GPHN: variants seen among roughly 807,000 people sequenced by gnomAD.
GPHN encodes the protein gephyrin.
GPHN carries 17 observed loss-of-function variants against 95.5 expected under a neutral mutation model. The ratio of observed to expected loss-of-function variants is 0.18; its 90% confidence interval spans 0.12 to 0.27. The LOEUF (loss-of-function observed/expected upper bound fraction) is 0.27, where lower values mean the gene tolerates loss of function less well. Among genes scored for constraint, GPHN ranks in the 10% least tolerant of loss-of-function variants. The pLI is 1.00. For synonymous variants in GPHN, 320 were observed against 322.5 expected, an observed-to-expected ratio of 0.99 and a Z score of 0.08; for missense variants, 660 against 978.1, an observed-to-expected ratio of 0.67 and a Z score of 4.34.
At chr14:66,560,543 T>G (rs1160467392) in intron 1 of GPHN, among the ~76,000 whole-genome samples, 1 of 152,222 alleles carries the variant, frequency 6.6e-6, no homozygotes, top group Non-Finnish European at 1.5e-5. Flanking sequence ...TCTCTGTTTG[T>G]CTGTTATTGG....
chr14:67,275,858 T>C, the GPHN span, among the ~76,000 whole-genome samples: 1 of 152,226 alleles, frequency 6.6e-6, no homozygotes, highest in African/African-American at 2.4e-5. Context: ...GGAGGGTATA[T>C]GTGTCCAGGA....
chr14:66,791,333 G>A (rs1163447925), intron 3 of GPHN, among the ~76,000 whole-genome samples: 1 of 152,102 alleles, frequency 6.6e-6, no homozygotes, highest in Non-Finnish European at 1.5e-5. Context: ...CCCAAGAGAG[G>A]GTTCTTGAAC....
chr14:67,355,208 T>C, the GPHN span, among the ~76,000 whole-genome samples: 2 of 152,070 alleles, frequency 1.3e-5, no homozygotes, highest in Non-Finnish European at 2.9e-5. Context: ...ACAGCAATCA[T>C]TTTATTAATT....
intron 1 of GPHN, among the ~76,000 whole-genome samples, chr14:66,646,476 C>T (rs1249374202): frequency 6.6e-6 from 1 of 151,938 alleles, no homozygotes; most frequent in Non-Finnish European, 1.5e-5. Context: ...AAGGTAGGGT[C>T]TCAAAGAGAT....
chr14:66,740,521 G>A (rs2072710941), intron 2 of GPHN, among the ~76,000 whole-genome samples: 1 of 150,016 alleles, frequency 6.7e-6, no homozygotes, highest in Admixed American at 6.7e-5. Flanking sequence ...TTTCCCAGTT[G>A]TTTTAAACTG....
intron 10 of GPHN, among the ~76,000 whole-genome samples, chr14:67,041,755 A>G (rs2074717500): frequency 6.6e-6 from 1 of 152,188 alleles, no homozygotes; most frequent in Non-Finnish European, 1.5e-5. Flanking sequence ...GCTGGGTCAA[A>G]TGGTATTTCT....
the GPHN span, chr14:67,576,091 A>C: frequency 9.5e-7 from 1 of 1,056,642 alleles, no homozygotes; most frequent in South Asian, 1.6e-5. This position sits in a 1 kb window ranked among gnomAD's most constrained non-coding sequence, Gnocchi z 4.0. Flanking sequence ...GCTTCCCAAA[A>C]TTCAAATTTA....
chr14:67,038,744 C>G (rs942390911), intron 10 of GPHN, among the ~76,000 whole-genome samples: 1 of 152,116 alleles, frequency 6.6e-6, no homozygotes, highest in Non-Finnish European at 1.5e-5. Flanking sequence ...ACATTTCTTT[C>G]ATCAGAAACC....
At chr14:67,367,165 ACC>A in the GPHN span, among the ~76,000 whole-genome samples, 1 of 152,190 alleles carries the variant, frequency 6.6e-6, no homozygotes, top group African/African-American at 2.4e-5. Flanking sequence ...TCAGTTGCTT[ACC>A]ATCTGGGGAG....
At chr14:67,553,300 C>T in the GPHN span, among the ~76,000 whole-genome samples, 2 of 152,050 alleles carry the variant, frequency 1.3e-5, no homozygotes, top group African/African-American at 4.8e-5. Flanking sequence ...AGGGCCTTCC[C>T]GTTCAGTATT....
At chr14:67,701,425 CTTTT>C in the GPHN span, among the ~76,000 whole-genome samples, 12 of 71,148 alleles carry the variant, frequency 1.7e-4, no homozygotes, top group South Asian at 2.8e-3. Flanking sequence ...ATTATAATTT[CTTTT>C]TTTTTTTTTT....
chr14:67,455,298 A>C, the GPHN span, among the ~76,000 whole-genome samples: 1 of 151,088 alleles, frequency 6.6e-6, no homozygotes, highest in South Asian at 2.1e-4. Context: ...TCTCATCCCC[A>C]CCTGTTCCCT....
chr14:67,517,183 C>T, the GPHN span, among the ~76,000 whole-genome samples: 1 of 152,302 alleles, frequency 6.6e-6, no homozygotes, highest in South Asian at 2.1e-4. Context: ...GCAGCAAGGC[C>T]TACCTGATGA....
chr14:66,807,202 C>G (rs1469912331), intron 3 of GPHN, among the ~76,000 whole-genome samples: 2 of 152,130 alleles, frequency 1.3e-5, no homozygotes, highest in African/African-American at 4.8e-5. Flanking sequence ...GACTTATTCA[C>G]TATCACAAGA....
the GPHN span, among the ~76,000 whole-genome samples, chr14:67,631,526 C>A: frequency 6.0e-5 from 9 of 150,610 alleles, no homozygotes; most frequent in Non-Finnish European, 1.2e-4. Flanking sequence ...GCCTCCACCT[C>A]CCAGGTTCAA....
chr14:67,113,797 C>T (rs2078516590), intron 16 of GPHN, among the ~76,000 whole-genome samples: 1 of 152,078 alleles, frequency 6.6e-6, no homozygotes, highest in Admixed American at 6.6e-5. Flanking sequence ...TGAAAAACTT[C>T]CTATTGCTTG....
At chr14:67,646,522 G>A in the GPHN span, 69 of 728,652 alleles carry the variant, frequency 9.5e-5, no homozygotes, top group Non-Finnish European at 1.5e-4. Flanking sequence ...GTCCTGTGTT[G>A]CTCTAAACTT....
intron 21 of GPHN, among the ~76,000 whole-genome samples, chr14:67,174,574 A>C (rs1420220185): frequency 1.3e-5 from 2 of 152,218 alleles, no homozygotes; most frequent in Non-Finnish European, 2.9e-5. Context: ...AGAATAATCT[A>C]TAATCCTTTG....
the GPHN span, among the ~76,000 whole-genome samples, chr14:67,398,517 T>C: frequency 6.6e-6 from 1 of 151,614 alleles, no homozygotes; most frequent in Non-Finnish European, 1.5e-5. Flanking sequence ...TAAATGACCC[T>C]TCATTATTTC....
Sources: allele counts gnomAD v4.1 joint callset (sites outside exome capture counted in the v4.1 genomes callset), GRCh38; gene constraint gnomAD v4.1.1; non-coding constraint Gnocchi (gnomAD v3.1); transcripts MANE v1.5; gene names NCBI Gene and HGNC (gene_info 2026-07-23, HGNC 2026-07-21).